ERBB4: variants seen among roughly 807,000 people sequenced by gnomAD.
ERBB4 encodes receptor tyrosine-protein kinase erbB-4.
Under a neutral mutation model 158.0 loss-of-function variants are expected in ERBB4, and 42 were observed. The observed-to-expected ratio is 0.27, with a 90% CI of 0.21 to 0.34. The LOEUF (loss-of-function observed/expected upper bound fraction) is 0.34. Ranked by LOEUF, ERBB4 falls within the 10% of genes least tolerant of loss-of-function variation. ERBB4 has a pLI of 1.00. For missense variants in ERBB4, 1,333 were observed against 1,624.1 expected (o/e 0.82, Z 3.08); for synonymous variants, 583 against 558.7 (o/e 1.04, Z -0.61).
chr2:212,518,702 C>G (rs1193703393), intron 1 of ERBB4, among the ~76,000 whole-genome samples: 1 of 151,842 alleles, frequency 6.6e-6, no homozygotes, highest in Non-Finnish European at 1.5e-5. Context: ...AACAGACAGC[C>G]CAAGTTGTTA....
intron 1 of ERBB4, among the ~76,000 whole-genome samples, chr2:212,169,312 C>T (rs1559644506): frequency 6.6e-6 from 1 of 151,874 alleles, no homozygotes; most frequent in South Asian, 2.1e-4. Flanking sequence ...ATAGGAAATC[C>T]ATATAGTATA....
At chr2:212,392,866 T>TTAGG (rs1402132443) in intron 1 of ERBB4, among the ~76,000 whole-genome samples, 7 of 152,058 alleles carry the variant, frequency 4.6e-5, no homozygotes, top group African/African-American at 1.7e-4. Context: ...ACAGATTGAT[T>TTAGG]TAGGATGGCA....
intron 4 of ERBB4, among the ~76,000 whole-genome samples, chr2:211,763,139 G>T (rs1186096841): frequency 6.6e-6 from 1 of 151,998 alleles, no homozygotes; most frequent in Admixed American, 6.6e-5. Flanking sequence ...ATCTGAGAAG[G>T]TACAAAAGAT....
rs546025183 is a variant in ERBB4, at chr2:212,169,714, T to C, written c.83-44811A>G. Among the ~76,000 whole-genome samples the C allele has an allele frequency of 1.4e-4, 22 of 152,236 alleles. No homozygotes were observed. The East Asian group carries it at 3.3e-3, about 23-fold the overall frequency. ...AAGGGAAGGACCAGGTGGGAGGTGA[T>C]TGGATCATGGCGGTGATTTTCCCCA... On this transcript the variant is annotated intron_variant, in intron 1 of 27. Coordinates refer to ENST00000342788, the MANE Select transcript of ERBB4 (RefSeq NM_005235.3).
chr2:211,462,424 T>A (rs1234305813), intron 20 of ERBB4, among the ~76,000 whole-genome samples: 1 of 152,112 alleles, frequency 6.6e-6, no homozygotes, highest in East Asian at 1.9e-4. Context: ...CTAATGGAAA[T>A]ACAAGTGAAA....
chr2:212,339,463 A>G (rs1023550287), intron 1 of ERBB4, among the ~76,000 whole-genome samples: 1 of 152,166 alleles, frequency 6.6e-6, no homozygotes, highest in Non-Finnish European at 1.5e-5. Flanking sequence ...AATTAACTAG[A>G]ACTGGTTTAA....
chr2:211,696,859 G>A (rs900279476), intron 12 of ERBB4, among the ~76,000 whole-genome samples: 1 of 151,604 alleles, frequency 6.6e-6, no homozygotes, highest in Non-Finnish European at 1.5e-5. Flanking sequence ...TACTAGAGAC[G>A]GGGTTTCACC....
At chr2:211,968,762 T>G (rs1205001599) in intron 2 of ERBB4, among the ~76,000 whole-genome samples, 1 of 152,014 alleles carries the variant, frequency 6.6e-6, no homozygotes, top group Admixed American at 6.6e-5. Context: ...TTCTTTTTTA[T>G]TTCAGCCATA....
At chr2:211,882,245 T>C (rs2078683765) in intron 3 of ERBB4, among the ~76,000 whole-genome samples, 1 of 152,310 alleles carries the variant, frequency 6.6e-6, no homozygotes. Context: ...CAGTTAATAA[T>C]GTGAAAGAGA....
At chr2:212,377,416 T>C (rs1047120981) in intron 1 of ERBB4, among the ~76,000 whole-genome samples, 2 of 151,868 alleles carry the variant, frequency 1.3e-5, no homozygotes, top group Non-Finnish European at 1.5e-5. Flanking sequence ...TATAGCCTTC[T>C]ACACACCTAG....
chr2:211,538,302 C>G (rs989595840), intron 20 of ERBB4, among the ~76,000 whole-genome samples: 1 of 151,716 alleles, frequency 6.6e-6, no homozygotes, highest in African/African-American at 2.4e-5. Flanking sequence ...ATGAAGCATC[C>G]CATTCTATGT....
chr2:212,533,202 G>A (rs1692850619), intron 1 of ERBB4, among the ~76,000 whole-genome samples: 1 of 152,172 alleles, frequency 6.6e-6, no homozygotes, highest in Non-Finnish European at 1.5e-5. Context: ...TTTTGATAGA[G>A]ACAGTTTGCT....
chr2:212,329,509 T>G (rs1427450793), intron 1 of ERBB4, among the ~76,000 whole-genome samples: 1 of 152,100 alleles, frequency 6.6e-6, no homozygotes, highest in African/African-American at 2.4e-5. Context: ...TCCCACCTGT[T>G]GAAAATACCT....
intron 1 of ERBB4, among the ~76,000 whole-genome samples, chr2:212,344,858 T>G (rs2088905177): frequency 6.6e-6 from 1 of 152,116 alleles, no homozygotes; most frequent in Non-Finnish European, 1.5e-5. Flanking sequence ...CAAATTTCAG[T>G]GGGCAGATAA....
intron 3 of ERBB4, among the ~76,000 whole-genome samples, chr2:211,885,068 T>TA (rs2078761893): frequency 6.6e-6 from 1 of 152,226 alleles, no homozygotes; most frequent in Non-Finnish European, 1.5e-5. Context: ...TAATATTTTT[T>TA]AAAATGATTA....
At chr2:211,501,539 G>GT (rs147978547) in intron 20 of ERBB4, among the ~76,000 whole-genome samples, 2,484 of 150,948 alleles carry the variant, frequency 0.016, 35 homozygotes, top group Middle Eastern at 0.035. Flanking sequence ...TTGCTTGTGT[G>GT]TTTTTTTTAG....
At chr2:212,534,436 T>G (rs1045914586) in intron 1 of ERBB4, among the ~76,000 whole-genome samples, 1 of 152,072 alleles carries the variant, frequency 6.6e-6, no homozygotes, top group African/African-American at 2.4e-5. Flanking sequence ...GGCCTTGGAG[T>G]CAAGGCTTTT....
At chr2:211,640,998 A>G (rs557264157) in intron 16 of ERBB4, among the ~76,000 whole-genome samples, 1 of 152,242 alleles carries the variant, frequency 6.6e-6, no homozygotes, top group East Asian at 1.9e-4. Flanking sequence ...TTTTTGATCT[A>G]TGGATTTGAA....
At chr2:211,632,233 G>GA (rs1297031346) in intron 16 of ERBB4, among the ~76,000 whole-genome samples, 1 of 152,074 alleles carries the variant, frequency 6.6e-6, no homozygotes, top group Non-Finnish European at 1.5e-5. Context: ...CTATAGTATG[G>GA]AAAAAAATTC....
Sources: gnomAD v4.1 joint callset for allele counts (sites outside exome capture counted in the v4.1 genomes callset) on GRCh38, gnomAD v4.1.1 for gene constraint, MANE v1.5 for transcripts, NCBI Gene and HGNC (gene_info 2026-07-23, HGNC 2026-07-21) for gene names.